Variants in CHD4 observed in about 807,000 individuals in gnomAD.
CHD4 encodes the protein ATP-dependent chromatin remodeler CHD4.
In CHD4, 35 loss-of-function variants were observed where a neutral mutation model predicts 235.5. The ratio of observed to expected loss-of-function variants is 0.15; its 90% confidence interval spans 0.11 to 0.20. The LOEUF is 0.20. Ranked by LOEUF, CHD4 falls within the 10% of genes least tolerant of loss-of-function variation. The pLI, the probability that CHD4 is intolerant of heterozygous loss-of-function variation, is 1.00. For synonymous variants in CHD4, 900 were observed against 850.2 expected (o/e 1.06, Z -1.02); for missense variants, 1,329 against 2,432.3 (o/e 0.55, Z 9.54).
Position 6,594,666 on chromosome 12 carries a change from G to C in CHD4, c.2122-16C>G, listed in dbSNP as rs1316923223. The stretch of plus-strand genomic sequence containing the variant: ...TCACTGTTGGCTGAAGGATGAAACA[G>C]AGAAGTCAAGAGCTGGCAAGGAACT... On this transcript the variant is annotated splice_polypyrimidine_tract_variant and intron_variant, in intron 14 of 39. Transcript: ENST00000544040. 3.7e-6 allele frequency: 6 copies of C among 1,606,380 alleles called. No homozygotes were observed. Among genetic ancestry groups the C allele is most frequent in the South Asian group, 2.2e-5 (2 of 90,374 alleles).
chr12:6,600,637 G>A lies in CHD4; in HGVS notation c.960C>T (p.Asp320=), dbSNP rs1185904040. The change falls in exon 8 of 40, where the codon GAC becomes GAT. Residue 320 remains aspartate, a synonymous_variant. Transcript: ENST00000544040. ...SEDDDLDVES[D]FDDASINSYS... ...AGCTATTGATACTGGCATCATCGAA[G>A]TCAGATTCCACATCTAAGTCATCAT... The A allele has an allele frequency of 3.1e-6, 5 of 1,613,996 alleles. No individual in the cohort carries two copies. In the African/African-American group the frequency reaches 5.3e-5, roughly 17 times the overall value.
Position 6,573,149 on chromosome 12 carries a change from A to G in CHD4, c.5482T>C (p.Leu1828=). ...LNTRFAEVEC[L]AESHQHLSKE... ...GACAGGTGCTGATGACTTTCCGCCAAACACTCCACCTCAGCAAAGCGGGTG... is the reference window on the plus strand; with the variant it reads ...GACAGGTGCTGATGACTTTCCGCCAGACACTCCACCTCAGCAAAGCGGGTG... The change falls in exon 38 of 40, where the codon TTG becomes CTG. Residue 1828 remains leucine (L), a synonymous_variant. Transcript: ENST00000544040. The G allele has an allele frequency of 6.2e-7, 1 of 1,611,796 alleles. No homozygotes were observed. Among genetic ancestry groups the G allele is most frequent in the East Asian group, 2.2e-5 (1 of 44,688 alleles).
chr12:6,586,291 C>T (rs1592269371), intron 25 of CHD4, among the ~76,000 whole-genome samples: 1 of 151,630 alleles, frequency 6.6e-6, no homozygotes, highest in African/African-American at 2.4e-5. Context: ...TCCCCAGCTA[C>T]TCGGGAGGCT....
intron 22 of CHD4, 189 bp downstream of exon 22, chr12:6,591,277 C>A: frequency 1.8e-6 from 1 of 547,794 alleles, no homozygotes. Flanking sequence ...AGAACAAATA[C>A]CCCAAAAGAA....
intron 25 of CHD4, chr12:6,583,701 G>C (rs1309146045): frequency 8.3e-6 from 2 of 240,990 alleles, no homozygotes; most frequent in Non-Finnish European, 1.6e-5. Context: ...AAAAAGAAAA[G>C]AGGTCAGAGC....
At position 6,578,086 on chromosome 12, in the gene CHD4, T is replaced by G. The variant is rs1305371836; in HGVS notation, c.5171A>C (p.Lys1724Thr). ...CCGTCGATGCCAGATCTCATAAGTCTTCTTGGTAACTGTGGCTGCCCGCTC... is the reference window on the plus strand; with the variant it reads ...CCGTCGATGCCAGATCTCATAAGTCGTCTTGGTAACTGTGGCTGCCCGCTC... ...NEERAATVTK[K>T]TYEIWHRRHD... is the part of the protein sequence containing the mutation. Residue 1724 changes from lysine to threonine, a missense_variant, in exon 36 of 40, where the codon AAG becomes ACG. Transcript: ENST00000544040. 3 of 1,613,218 alleles carry G rather than the reference T, an allele frequency of 1.9e-6. No homozygotes were observed. Among genetic ancestry groups the G allele is most frequent in the South Asian group, 2.2e-5 (2 of 91,082 alleles).
chr12:6,585,661 T>C (rs1948275670), intron 25 of CHD4, among the ~76,000 whole-genome samples: 1 of 150,926 alleles, frequency 6.6e-6, no homozygotes, highest in African/African-American at 2.4e-5. Context: ...TGGTGGCACG[T>C]GCCTGTAGTC....
In CHD4 at chr12:6,596,287, G is replaced by A; in HGVS notation, c.1893-150C>T. On this transcript the variant is annotated intron_variant, in intron 12 of 39. Transcript: ENST00000544040. ...CAGAGCCTCTACTGTACCAGTCTCT[G>A]ACCAAAAATTATCTCTAATTTATAC... The A allele has an allele frequency of 5.8e-6, 5 of 864,618 alleles. No homozygotes were observed. In the South Asian group the frequency reaches 9.0e-5, roughly 15 times the overall value. The allele number at this position is 864,618 out of a possible 1,614,324, so 53.6% of individuals were successfully genotyped here. A position where few individuals can be genotyped will look rare whatever the true frequency, so the allele number is the denominator to read the frequency against.
At chr12:6,606,664 A>C (rs1345317290) in intron 1 of CHD4, 1 of 306,602 alleles carries the variant, frequency 3.3e-6, no homozygotes, top group African/African-American at 2.2e-5. Context: ...GACGCCTCCG[A>C]GGGCAGGCTG....
intron 7 of CHD4, 29 bp downstream of exon 7, chr12:6,600,897 C>T: frequency 6.5e-7 from 1 of 1,543,528 alleles, no homozygotes; most frequent in Non-Finnish European, 8.7e-7. Context: ...ACATGGCACC[C>T]TCCCTAAAGC....
chr12:6,585,788 C>CA lies in CHD4; in HGVS notation c.3879+1595dup, dbSNP rs112684697. Among the ~76,000 whole-genome samples, 282 of 132,366 alleles carry CA rather than the reference C, an allele frequency of 2.1e-3. 1 individual carries two copies. The highest frequency in any genetic ancestry group is 6.9e-3 in the East Asian group (27 of 3,904). The allele number at this position is 132,366 out of a possible 152,430, so 86.8% of individuals were successfully genotyped here. A position where few individuals can be genotyped will look rare whatever the true frequency, so the allele number is the denominator to read the frequency against. On this transcript the variant is annotated intron_variant, in intron 25 of 39. Coordinates refer to ENST00000544040, the MANE Select transcript of CHD4 (RefSeq NM_001273.5). Reference sequence around the variant, plus strand: ...TGGGCGGGAAAGCAAGACTCTGTCTCAAAAAAAAAAAAACACACACACAAA... The same window carrying CA: ...TGGGCGGGAAAGCAAGACTCTGTCTCAAAAAAAAAAAAAACACACACACAAA...
At position 6,592,136 on chromosome 12, in the gene CHD4, C is replaced by T. The variant is rs564874513; in HGVS notation, c.2949-79G>A. The T allele has an allele frequency of 1.9e-6, 3 of 1,554,722 alleles. No individual in the cohort carries two copies. In the African/African-American group the frequency reaches 4.1e-5, roughly 21 times the overall value. ...ATAATGCAGTGCCAACAACTGAGAT[C>T]TTTCTTCCAACACATCCCACTTTGG... On this transcript the variant is annotated intron_variant, in intron 19 of 39. Coordinates refer to ENST00000544040, the MANE Select transcript of CHD4 (RefSeq NM_001273.5).
intron 10 of CHD4, among the ~76,000 whole-genome samples, chr12:6,599,088 A>G (rs1948546025): frequency 6.6e-6 from 1 of 152,222 alleles, no homozygotes; most frequent in African/African-American, 2.4e-5. Context: ...ACAGACTTAG[A>G]GCACAGAATT....
At chr12:6,579,091 G>A in intron 33 of CHD4, 174 bp from the exon 34 acceptor site, 3 of 573,350 alleles carry the variant, frequency 5.2e-6, no homozygotes, top group Middle Eastern at 4.9e-4. Flanking sequence ...GCAGCAGGCA[G>A]ATCACTTGAG....
chr12:6,602,727 C>T (rs1948619517), intron 2 of CHD4, among the ~76,000 whole-genome samples: 2 of 152,220 alleles, frequency 1.3e-5, no homozygotes, highest in South Asian at 4.1e-4. Context: ...CCACCTCGGG[C>T]AGCTGTCCAG....
chr12:6,587,970 A>T, intron 23 of CHD4, 21 bp from the exon 24 acceptor site: 1 of 1,604,566 alleles, frequency 6.2e-7, no homozygotes, highest in Non-Finnish European at 8.5e-7. Context: ...ACAGGAAATA[A>T]AGCCAGAAAT....
Position 6,593,705 on chromosome 12 carries a change from T to G in CHD4, c.2314-89A>C. The G allele has an allele frequency of 8.2e-7, 1 of 1,216,014 alleles. No individual in the cohort carries two copies. Among genetic ancestry groups the G allele is most frequent in the Non-Finnish European group, 1.2e-6 (1 of 848,934 alleles). 75.3% of individuals were successfully genotyped at this position (1,216,014 alleles called of 1,614,324 possible). A position where few individuals can be genotyped will look rare whatever the true frequency, so the allele number is the denominator to read the frequency against. On this transcript the variant is annotated intron_variant, in intron 15 of 39. Transcript: ENST00000544040. This position sits in a 1 kb window ranked among gnomAD's most constrained non-coding sequence, Gnocchi z 4.9. ...CCACCACCCTGCTGCCCCCTCAAGC[T>G]GAGCCAAGGACTGACACACCTGCGC...
intron 10 of CHD4, 23 bp downstream of exon 10, chr12:6,599,750 C>T (rs770953034): frequency 7.7e-5 from 124 of 1,608,954 alleles, no homozygotes; most frequent in Admixed American, 1.0e-4. Flanking sequence ...CATTTTTTGC[C>T]CCGGCTGAGA....
chr12:6,589,918 A>C (rs1948362608), intron 22 of CHD4, among the ~76,000 whole-genome samples: 1 of 152,052 alleles, frequency 6.6e-6, no homozygotes, highest in African/African-American at 2.4e-5. Context: ...ATCTATATTG[A>C]CCAGGCACAG....
Sources: allele counts gnomAD v4.1 joint callset (sites outside exome capture counted in the v4.1 genomes callset), GRCh38; gene constraint gnomAD v4.1.1; non-coding constraint Gnocchi (gnomAD v3.1); transcripts MANE v1.5; gene names NCBI Gene and HGNC (gene_info 2026-07-23, HGNC 2026-07-21).